LAMA3: variants seen among roughly 807,000 people sequenced by gnomAD.
The protein encoded by LAMA3 is laminin subunit alpha-3.
A neutral mutation model predicts 402.0 loss-of-function variants in LAMA3; 281 were observed. That is an observed-to-expected ratio of 0.70 (90% confidence interval 0.63 to 0.77). The LOEUF (loss-of-function observed/expected upper bound fraction) is 0.77. Among genes scored for constraint, LAMA3 ranks in the 30% least tolerant of loss-of-function variants. The pLI is 0.00. For missense variants in LAMA3, 3,840 were observed against 4,215.5 expected (o/e 0.91, Z 2.47); for synonymous variants, 1,431 against 1,558.4 (o/e 0.92, Z 1.93).
intron 12 of LAMA3, among the ~76,000 whole-genome samples, chr18:23,798,735 G>A (rs1425719070): frequency 6.6e-6 from 1 of 152,240 alleles, no homozygotes; most frequent in Non-Finnish European, 1.5e-5. Flanking sequence ...CCAAAGCCCA[G>A]TGCCAGAGAA....
At chr18:23,792,465 G>A (rs975918866) in intron 12 of LAMA3, among the ~76,000 whole-genome samples, 8 of 152,086 alleles carry the variant, frequency 5.3e-5, no homozygotes, top group African/African-American at 1.7e-4. Context: ...CCACTCTCAC[G>A]GTAACTAATC....
chr18:23,919,580 A>C (rs1030811825), intron 60 of LAMA3, among the ~76,000 whole-genome samples: 5 of 152,244 alleles, frequency 3.3e-5, no homozygotes, highest in Non-Finnish European at 7.3e-5. Context: ...ACTTGAGCAA[A>C]GGAAATGCTT....
Position 23,861,819 on chromosome 18 carries a change from C to T in LAMA3, c.4584+12C>T. On this transcript the variant is annotated intron_variant, in intron 35 of 74. Transcript: ENST00000313654. Reference sequence around the variant, plus strand: ...ACCTGGGGGACAAGGTAATGATGTCCTGCTGTTCTTCTGGGCCCTCAGTGG... The same window carrying T: ...ACCTGGGGGACAAGGTAATGATGTCTTGCTGTTCTTCTGGGCCCTCAGTGG... 1 of 1,608,942 alleles carries T rather than the reference C, an allele frequency of 6.2e-7. No individual in the cohort carries two copies. The highest frequency in any genetic ancestry group is 8.5e-7 in the Non-Finnish European group (1 of 1,177,222).
intron 39 of LAMA3, among the ~76,000 whole-genome samples, chr18:23,881,700 C>G (rs886345218): frequency 1.3e-5 from 2 of 152,184 alleles, no homozygotes; most frequent in African/African-American, 4.8e-5. Flanking sequence ...TGGCTTGTCC[C>G]CACTATGTCA....
intron 1 of LAMA3, among the ~76,000 whole-genome samples, chr18:23,706,192 G>C (rs1187572287): frequency 6.6e-6 from 1 of 152,060 alleles, no homozygotes; most frequent in African/African-American, 2.4e-5. Context: ...TTAATTGTGT[G>C]AATATACCAC....
chr18:23,698,579 C>T (rs951709968), intron 1 of LAMA3, among the ~76,000 whole-genome samples: 4 of 152,202 alleles, frequency 2.6e-5, no homozygotes, highest in Non-Finnish European at 4.4e-5. Context: ...CATTTGGACT[C>T]ATTGTCTTAA....
At position 23,914,457 on chromosome 18, in the gene LAMA3, C is replaced by G; in HGVS notation, c.7377C>G (p.Thr2459=). 1 of 1,614,132 alleles carries G rather than the reference C, an allele frequency of 6.2e-7. No homozygotes were observed. Among genetic ancestry groups the G allele is most frequent in the East Asian group, 2.2e-5 (1 of 44,878 alleles). Residue 2459 remains threonine, a synonymous_variant, in exon 57 of 75, where the codon ACC becomes ACG. Coordinates refer to ENST00000313654, the MANE Select transcript of LAMA3 (RefSeq NM_198129.4). ...TGGCAGTTGTGGATGGCCAGCTCAC[C>G]TGTGTCTACAACCTGGGGGACCGTG... ...IGMAVVDGQL[T]CVYNLGDREA... is the part of the protein sequence containing the mutation.
intron 3 of LAMA3, among the ~76,000 whole-genome samples, chr18:23,749,191 C>T (rs899791343): frequency 6.6e-6 from 1 of 152,146 alleles, no homozygotes; most frequent in Non-Finnish European, 1.5e-5. Context: ...TAAGTATGAG[C>T]GTGGAGTTAG....
At chr18:23,869,328 A>G (rs1161864403) in intron 37 of LAMA3, among the ~76,000 whole-genome samples, 1 of 152,280 alleles carries the variant, frequency 6.6e-6, no homozygotes, top group Non-Finnish European at 1.5e-5. Context: ...GCTGGCATTT[A>G]TATAAATCGT....
intron 68 of LAMA3, among the ~76,000 whole-genome samples, chr18:23,941,427 C>T (rs1176050102): frequency 6.6e-6 from 1 of 150,604 alleles, no homozygotes; most frequent in Non-Finnish European, 1.5e-5. Flanking sequence ...AACATTAAAC[C>T]GTACATCATT....
intron 74 of LAMA3, 28 bp downstream of exon 74, chr18:23,953,137 T>G: frequency 6.2e-7 from 1 of 1,612,790 alleles, no homozygotes; most frequent in African/African-American, 1.3e-5. Context: ...TTCTATAATG[T>G]GTTGCCCTGT....
chr18:23,882,091 G>C (rs2064917639), intron 40 of LAMA3, 46 bp downstream of exon 40: 1 of 1,312,668 alleles, frequency 7.6e-7, no homozygotes, highest in African/African-American at 1.4e-5. Flanking sequence ...AAAGTCGTTT[G>C]GTGGCTGCCT....
intron 12 of LAMA3, among the ~76,000 whole-genome samples, chr18:23,806,598 G>T (rs533537802): frequency 3.3e-4 from 51 of 152,284 alleles, no homozygotes; most frequent in African/African-American, 1.2e-3. Context: ...GAATTTAGGG[G>T]TTCAGTGTCC....
chr18:23,813,944 G>A (rs1442827012), intron 14 of LAMA3, among the ~76,000 whole-genome samples: 1 of 152,178 alleles, frequency 6.6e-6, no homozygotes, highest in African/African-American at 2.4e-5. Context: ...GAGTGAAAGA[G>A]GTTCTGCCAT....
intron 12 of LAMA3, among the ~76,000 whole-genome samples, chr18:23,800,550 T>C (rs2062848517): frequency 6.6e-6 from 1 of 152,202 alleles, no homozygotes; most frequent in African/African-American, 2.4e-5. Flanking sequence ...TTCAAAATCC[T>C]CTCTTCTAGT....
intron 2 of LAMA3, among the ~76,000 whole-genome samples, chr18:23,717,719 AATTTTTTTTTTTTTTT>A (rs1422017432): frequency 3.4e-5 from 4 of 116,810 alleles, no homozygotes; most frequent in Admixed American, 1.8e-4. Flanking sequence ...TGCCTGGCTA[AATTTTTTTTTTTTTTT>A]TTTTTTTTTT....
intron 38 of LAMA3, chr18:23,873,017 C>T (rs1264366403): frequency 1.2e-6 from 2 of 1,613,628 alleles, no homozygotes; most frequent in Non-Finnish European, 8.5e-7. Flanking sequence ...GAGGTTCCTG[C>T]GCAGCCAGCG....
chr18:23,760,928 G>A (rs1336000151), intron 7 of LAMA3, among the ~76,000 whole-genome samples: 1 of 151,956 alleles, frequency 6.6e-6, no homozygotes, highest in East Asian at 1.9e-4. Flanking sequence ...CTTTTATAAG[G>A]GCACTTATCA....
intron 12 of LAMA3, among the ~76,000 whole-genome samples, chr18:23,797,794 G>A (rs1343934808): frequency 1.3e-5 from 2 of 151,894 alleles, no homozygotes; most frequent in Non-Finnish European, 2.9e-5. Flanking sequence ...CTGTAGTCCT[G>A]GATTTATGTT....
Sources: allele counts gnomAD v4.1 joint callset (sites outside exome capture counted in the v4.1 genomes callset), GRCh38; gene constraint gnomAD v4.1.1; transcripts MANE v1.5; gene names NCBI Gene and HGNC (gene_info 2026-07-23, HGNC 2026-07-21).